Variants in DYSF observed in about 807,000 individuals in gnomAD.
DYSF encodes the protein dysferlin, also known as dystrophy-associated fer-1-like 1.
Under a neutral mutation model 274.9 loss-of-function variants are expected in DYSF, and 212 were observed. That is an observed-to-expected ratio of 0.77 (90% CI 0.69 to 0.86). The LOEUF (loss-of-function observed/expected upper bound fraction) is 0.86, where lower values mean the gene tolerates loss of function less well. Among genes scored for constraint, DYSF ranks in the 40% least tolerant of loss-of-function variants. The pLI is 0.00. For missense variants in DYSF, 2,666 were observed against 2,783.2 expected, an observed-to-expected ratio of 0.96 and a Z score of 0.95; for synonymous variants, 1,091 against 1,078.7, an observed-to-expected ratio of 1.01 and a Z score of -0.22.
intron 20 of DYSF, 131 bp from the exon 21 acceptor site, chr2:71,553,676 C>A: frequency 8.5e-7 from 1 of 1,177,460 alleles, no homozygotes; most frequent in Non-Finnish European, 1.2e-6. Context: ...CTGTCTCTGT[C>A]CCACGTGTGG....
At chr2:71,465,841 CATA>C (rs1486399525), upstream of DYSF, among the ~76,000 whole-genome samples, 3 of 152,102 alleles carry the variant, frequency 2.0e-5, no homozygotes, top group African/African-American at 7.2e-5. Flanking sequence ...AGGAACCAGA[CATA>C]ATAAGCGAAA....
intron 14 of DYSF, among the ~76,000 whole-genome samples, chr2:71,530,696 G>A (rs1032197400): frequency 6.6e-6 from 1 of 152,144 alleles, no homozygotes; most frequent in African/African-American, 2.4e-5. Flanking sequence ...CAGCCTCCTC[G>A]GTGGACCCCA....
At chr2:71,635,222 T>G (rs985719447) in intron 41 of DYSF, among the ~76,000 whole-genome samples, 4 of 152,218 alleles carry the variant, frequency 2.6e-5, no homozygotes, top group African/African-American at 9.6e-5. Flanking sequence ...TTTCTCCTTC[T>G]ACACTTTCAT....
At chr2:71,578,286 C>T (rs1302197212) in intron 30 of DYSF, among the ~76,000 whole-genome samples, 1 of 152,122 alleles carries the variant, frequency 6.6e-6, no homozygotes, top group Non-Finnish European at 1.5e-5. Context: ...CTCCCATTGG[C>T]CCCCTACTTG....
intron 47 of DYSF, 122 bp downstream of exon 47, chr2:71,665,426 C>A: frequency 7.8e-7 from 1 of 1,277,330 alleles, no homozygotes; most frequent in Non-Finnish European, 1.1e-6. Flanking sequence ...GGCTGTGGGT[C>A]TCTCCAGGGC....
chr2:71,618,287 T>TG (rs2093971330), intron 40 of DYSF, among the ~76,000 whole-genome samples: 1 of 73,760 alleles, frequency 1.4e-5, no homozygotes, highest in Non-Finnish European at 2.6e-5. Context: ...GTGGTAGAGG[T>TG]GTGTGTGTGG....
intron 46 of DYSF, 59 bp from the exon 47 acceptor site, chr2:71,665,103 C>G (rs1004010992): frequency 3.1e-6 from 5 of 1,609,858 alleles, no homozygotes; most frequent in Non-Finnish European, 3.4e-6. Flanking sequence ...CCTGCATGCC[C>G]CTCTACCCTC....
At chr2:71,597,857 C>T (rs750427939) in intron 32 of DYSF, among the ~76,000 whole-genome samples, 1 of 152,196 alleles carries the variant, frequency 6.6e-6, no homozygotes, top group Non-Finnish European at 1.5e-5. Context: ...ATTATTCCTC[C>T]CTGGACCACT....
At chr2:71,667,660 C>A in intron 48 of DYSF, 145 bp downstream of exon 48, 1 of 1,326,246 alleles carries the variant, frequency 7.5e-7, no homozygotes, top group African/African-American at 1.5e-5. Flanking sequence ...AGTCTGAGTG[C>A]GGCCATGGTT....
chr2:71,457,420 T>G lies in DYSF; in HGVS notation c.88+3334T>G, dbSNP rs147353298. On this transcript the variant is annotated intron_variant, in intron 1 of 54. Transcript: ENST00000258104. ...ATCTGGCTCCTGAGCCCCCACAATA[T>G]CCCCAGCTTTAACCACTCTGCTATC... Among the ~76,000 whole-genome samples, 864 of 152,160 alleles carry G rather than the reference T, an allele frequency of 5.7e-3. 10 individuals carry two copies. The highest frequency in any genetic ancestry group is 0.019 in the African/African-American group (777 of 41,506).
chr2:71,539,089 C>G lies in DYSF; in HGVS notation c.1494-68C>G, dbSNP rs1422496623. 1.2e-5 allele frequency: 17 copies of G among 1,444,410 alleles called. No individual in the cohort carries two copies. In the East Asian group the frequency reaches 3.6e-4, roughly 31 times the overall value. The allele number at this position is 1,444,410 out of a possible 1,614,324, so 89.5% of individuals were successfully genotyped here. A position where few individuals can be genotyped will look rare whatever the true frequency, so the allele number is the denominator to read the frequency against. On this transcript the variant is annotated intron_variant, in intron 16 of 55. Transcript: ENST00000410020. ...TGTGATGTGTAACCGAGGCCGCATA[C>G]TTCCTGGGTGGGCTGTGGCCTGCAG...
chr2:71,681,251 A>G (rs568913786), intron 54 of DYSF, 141 bp downstream of exon 54: 21 of 759,162 alleles, frequency 2.8e-5, no homozygotes, highest in Non-Finnish European at 4.1e-5. Context: ...CCAAGGCCAC[A>G]CAGTAAGTTA....
chr2:71,600,696 G>T lies in DYSF; in HGVS notation c.3757-6G>T. The T allele has an allele frequency of 6.2e-7, 1 of 1,614,088 alleles. No individual in the cohort carries two copies. The highest frequency in any genetic ancestry group is 8.5e-7 in the Non-Finnish European group (1 of 1,180,046). ...GCTGATTCTTGTCTCTCTACGCTTG[G>T]TCTAGGGTGCAGACGAGTTTATGGG... On this transcript the variant is annotated splice_region_variant and splice_polypyrimidine_tract_variant and intron_variant, in intron 33 of 55. Coordinates refer to ENST00000410020, the MANE Select transcript of DYSF (RefSeq NM_001130987.2).
chr2:71,486,374 CT>C (rs1426087476), intron 3 of DYSF, among the ~76,000 whole-genome samples: 1 of 152,066 alleles, frequency 6.6e-6, no homozygotes, highest in Non-Finnish European at 1.5e-5. Flanking sequence ...CACTCTGTCT[CT>C]GTGTCTCCTG....
rs2086360983 is a variant in DYSF at position 71,513,842 on chromosome 2, C to T, written c.680C>T (p.Pro227Leu). 6.2e-7 allele frequency: 1 copy of T among 1,614,210 alleles called. No homozygotes were observed. The highest frequency in any genetic ancestry group is 8.5e-7 in the Non-Finnish European group (1 of 1,180,042). The change falls in exon 7 of 56, where the codon CCC becomes CTC. Residue 227 changes from proline to leucine, a missense_variant. Pro to Leu is a moderately conservative substitution (Grantham distance 98, BLOSUM62 -3). Transcript: ENST00000410020. ...TPRKLPSRPP[P>L]HYPGIKRKRS... ...AGGAAACTACCTTCACGTCCTCCGC[C>T]CCACTACCCCGGGATCAAAAGAAAG...
At chr2:71,567,284 G>T (rs1034668846) in intron 24 of DYSF, among the ~76,000 whole-genome samples, 3 of 152,210 alleles carry the variant, frequency 2.0e-5, no homozygotes, top group African/African-American at 7.2e-5. Flanking sequence ...CACTTGAAAG[G>T]GTAGGGATAT....
chr2:71,610,316 C>T (rs1268679956), intron 36 of DYSF, among the ~76,000 whole-genome samples: 1 of 152,170 alleles, frequency 6.6e-6, no homozygotes, highest in Non-Finnish European at 1.5e-5. Flanking sequence ...CAACCCTCAC[C>T]CTAACCTTTA....
rs1196978253 is a variant in DYSF at position 71,539,049 on chromosome 2, T to G, written c.1494-108T>G. 3.1e-6 allele frequency: 3 copies of G among 953,748 alleles called. No individual in the cohort carries two copies. The African/African-American group carries it at 4.8e-5, about 15-fold the overall frequency. 59.1% of individuals were successfully genotyped at this position (953,748 alleles called of 1,614,324 possible). ...GTGAAGACCAGAAGCGCTCTCTGCC[T>G]GCCCCCCGCCCCCCTGTGATGTGTA... is the stretch of plus-strand genomic sequence containing the variant. On this transcript the variant is annotated intron_variant, in intron 16 of 55. Transcript: ENST00000410020.
At position 71,615,103 on chromosome 2, in the gene DYSF, T is replaced by C. The variant is rs2093852718; in HGVS notation, c.4464+1693T>C. On this transcript the variant is annotated intron_variant, in intron 40 of 55. Coordinates refer to ENST00000410020, the MANE Select transcript of DYSF (RefSeq NM_001130987.2). This position sits in a 1 kb window ranked among gnomAD's most constrained non-coding sequence, Gnocchi z 4.9. ...CCCTCAAAATGTCTACACACTCAGA[T>C]GGGGAGGGACTATTTTAGGTCCTGC... 6.6e-6 allele frequency among the ~76,000 whole-genome samples: 1 copy of C among 152,148 alleles called. No individual in the cohort carries two copies.
Sources: allele counts gnomAD v4.1 joint callset (sites outside exome capture counted in the v4.1 genomes callset), GRCh38; gene constraint gnomAD v4.1.1; non-coding constraint Gnocchi (gnomAD v3.1); transcripts MANE v1.5; gene names NCBI Gene and HGNC (gene_info 2026-07-23, HGNC 2026-07-21).